ATP6V0E1: variants seen among roughly 807,000 people sequenced by gnomAD.
The protein encoded by ATP6V0E1 is ATPase H+ transporting V0 subunit e1, also known as V-type proton ATPase subunit e 1.
Under a neutral mutation model 11.6 loss-of-function variants are expected in ATP6V0E1, and 4 were observed. That is an observed-to-expected ratio of 0.35 (90% CI 0.17 to 0.79). The LOEUF (loss-of-function observed/expected upper bound fraction) is 0.79, where lower values mean the gene tolerates loss of function less well. Ranked by LOEUF, ATP6V0E1 falls within the 30% of genes least tolerant of loss-of-function variation. The probability of loss-of-function intolerance (pLI) is 0.54; values close to 1 mark genes in which losing one functional copy is unlikely to be tolerated. For synonymous variants in ATP6V0E1, 36 were observed against 34.8 expected (o/e 1.04, Z -0.13); for missense variants, 105 against 100.0 (o/e 1.05, Z -0.21).
At chr5:173,031,579 G>A (rs1756654966) in intron 3 of ATP6V0E1, among the ~76,000 whole-genome samples, 1 of 151,724 alleles carries the variant, frequency 6.6e-6, no homozygotes, top group Non-Finnish European at 1.5e-5. Flanking sequence ...AGCACTTTGG[G>A]AGGCCAAGGC....
intron 2 of ATP6V0E1, among the ~76,000 whole-genome samples, chr5:172,999,202 A>G (rs998170205): frequency 6.6e-6 from 1 of 152,164 alleles, no homozygotes; most frequent in African/African-American, 2.4e-5. Flanking sequence ...CCCAAAAAGC[A>G]CCAAAATATT....
intron 3 of ATP6V0E1, among the ~76,000 whole-genome samples, chr5:173,026,902 C>T (rs1438182795): frequency 1.3e-5 from 2 of 152,136 alleles, no homozygotes; most frequent in Non-Finnish European, 2.9e-5. Context: ...AGTGGCCGAG[C>T]GTGTTGGCTC....
intron 1 of ATP6V0E1, among the ~76,000 whole-genome samples, chr5:172,992,113 C>G (rs503452): frequency 0.52 from 78,191 of 151,188 alleles, 24,652 homozygotes; most frequent in African/African-American, 0.85. Flanking sequence ...TGCAGTGGCG[C>G]GATCTCGGCT....
intron 3 of ATP6V0E1, among the ~76,000 whole-genome samples, chr5:173,032,516 C>T (rs1011945450): frequency 6.6e-6 from 1 of 151,972 alleles, no homozygotes; most frequent in Non-Finnish European, 1.5e-5. Context: ...ATCTCGAACT[C>T]CTGACCTCAA....
intron 3 of ATP6V0E1, among the ~76,000 whole-genome samples, chr5:173,031,825 A>G (rs1367095755): frequency 2.7e-5 from 4 of 147,144 alleles, no homozygotes; most frequent in African/African-American, 2.5e-5. Context: ...TCTGCCTCAA[A>G]AAAAAAAAAA....
intron 2 of ATP6V0E1, among the ~76,000 whole-genome samples, chr5:173,011,175 C>CTTTTTT (rs754605378): frequency 2.6e-5 from 3 of 114,700 alleles, no homozygotes; most frequent in Non-Finnish European, 5.5e-5. Flanking sequence ...CCTGATTTAT[C>CTTTTTT]TTTTTTTTTT....
chr5:172,991,670 T>C (rs1238771760), intron 1 of ATP6V0E1, among the ~76,000 whole-genome samples: 1 of 152,180 alleles, frequency 6.6e-6, no homozygotes, highest in East Asian at 1.9e-4. Flanking sequence ...CTTCAAACAT[T>C]TTTATTGTGC....
chr5:173,025,301 C>T, intron 3 of ATP6V0E1, among the ~76,000 whole-genome samples: 1 of 151,172 alleles, frequency 6.6e-6, no homozygotes, highest in Non-Finnish European at 1.5e-5. Context: ...CACACCACCA[C>T]ACCCAGCTAA....
chr5:173,000,866 AT>A (rs1756140882), intron 2 of ATP6V0E1, among the ~76,000 whole-genome samples: 1 of 151,814 alleles, frequency 6.6e-6, no homozygotes, highest in Non-Finnish European at 1.5e-5. Context: ...ATGCCTGGCT[AT>A]TTTTTGTATT....
intron 1 of ATP6V0E1, 54 bp from the exon 2 acceptor site, chr5:172,994,721 G>A (rs1053299969): frequency 1.4e-6 from 2 of 1,396,704 alleles, no homozygotes; most frequent in African/African-American, 2.9e-5. Context: ...ATTCTGTGAT[G>A]TTTGCATAGT....
chr5:172,988,058 T>A (rs1755923191), intron 1 of ATP6V0E1, among the ~76,000 whole-genome samples: 1 of 152,226 alleles, frequency 6.6e-6, no homozygotes, highest in African/African-American at 2.4e-5. Flanking sequence ...TTTTTCCATT[T>A]AAATTTTTTT....
Position 173,009,834 on chromosome 5 carries a change from G to A in ATP6V0E1, c.153-10404G>A, listed in dbSNP as rs186716990. The stretch of plus-strand genomic sequence containing the variant: ...GCTGGAGTGCAGTGGCACAATCTGA[G>A]CTCACTGCAACCTCTGCCTCCCGGG... On this transcript the variant is annotated intron_variant, in intron 2 of 3. Transcript: ENST00000519374. Among the ~76,000 whole-genome samples the A allele has an allele frequency of 2.0e-3, 304 of 149,288 alleles. 1 individual carries two copies. Among genetic ancestry groups the A allele is most frequent in the Admixed American group, 6.9e-3 (103 of 14,856 alleles).
chr5:173,006,535 G>A (rs1393989553), intron 2 of ATP6V0E1, among the ~76,000 whole-genome samples: 2 of 152,090 alleles, frequency 1.3e-5, no homozygotes, highest in African/African-American at 2.4e-5. Flanking sequence ...GCGTGAACCC[G>A]GGAGGCGGAG....
At chr5:173,000,792 C>T (rs1250007093) in intron 2 of ATP6V0E1, among the ~76,000 whole-genome samples, 1 of 151,722 alleles carries the variant, frequency 6.6e-6, no homozygotes, top group Non-Finnish European at 1.5e-5. Context: ...CCTCCACCTC[C>T]CAGGTTCAAG....
intron 2 of ATP6V0E1, among the ~76,000 whole-genome samples, chr5:173,011,100 C>T (rs1403043921): frequency 6.6e-6 from 1 of 152,038 alleles, no homozygotes; most frequent in African/African-American, 2.4e-5. Flanking sequence ...CTTTTCGCAT[C>T]CTCAGAGGTT....
intron 2 of ATP6V0E1, among the ~76,000 whole-genome samples, chr5:173,001,616 T>G (rs1417670374): frequency 2.6e-5 from 4 of 152,144 alleles, no homozygotes; most frequent in Non-Finnish European, 5.9e-5. Context: ...CCACACGTGG[T>G]GGCTCACGCC....
intron 1 of ATP6V0E1, among the ~76,000 whole-genome samples, chr5:172,987,887 T>C (rs1448334626): frequency 1.3e-5 from 2 of 151,808 alleles, no homozygotes; most frequent in East Asian, 3.9e-4. Flanking sequence ...TAATTCGTTG[T>C]TGTTGTTTTG....
intron 3 of ATP6V0E1, among the ~76,000 whole-genome samples, chr5:173,030,362 A>AT (rs1219523965): frequency 1.3e-5 from 2 of 152,168 alleles, no homozygotes; most frequent in Admixed American, 6.5e-5. Flanking sequence ...TTTAAGAAGA[A>AT]TATTCACTTA....
At chr5:172,997,580 C>T (rs757546417) in intron 2 of ATP6V0E1, among the ~76,000 whole-genome samples, 2 of 151,820 alleles carry the variant, frequency 1.3e-5, no homozygotes, top group African/African-American at 4.8e-5. Flanking sequence ...GAGGCCGAGG[C>T]GGGCGGATCA....
Sources: gnomAD v4.1 joint callset for allele counts (sites outside exome capture counted in the v4.1 genomes callset) on GRCh38, gnomAD v4.1.1 for gene constraint, MANE v1.5 for transcripts, NCBI Gene and HGNC (gene_info 2026-07-23, HGNC 2026-07-21) for gene names.